KCNK2: variants seen among roughly 807,000 people sequenced by gnomAD.
The protein encoded by KCNK2 is potassium two pore domain channel subfamily K member 2, also known as potassium channel subfamily K member 2.
KCNK2 carries 21 observed loss-of-function variants against 40.5 expected under a neutral mutation model. The ratio of observed to expected loss-of-function variants is 0.52; its 90% CI spans 0.37 to 0.75. The LOEUF (loss-of-function observed/expected upper bound fraction) is 0.75, where lower values mean the gene tolerates loss of function less well. KCNK2 is among the 30% of genes least tolerant of loss of function. The pLI is 0.00. For synonymous variants in KCNK2, 191 were observed against 202.2 expected (o/e 0.94, Z 0.47); for missense variants, 399 against 531.6 (o/e 0.75, Z 2.45).
chr1:215,070,720 G>A (rs564269490), intron 1 of KCNK2, among the ~76,000 whole-genome samples: 111 of 152,252 alleles, frequency 7.3e-4, no homozygotes, highest in South Asian at 5.6e-3. Flanking sequence ...TTCAAGATGA[G>A]ATTTGAGTAG....
chr1:215,161,420 CT>C (rs372740342), intron 3 of KCNK2, among the ~76,000 whole-genome samples: 1,515 of 145,660 alleles, frequency 0.01, 23 homozygotes, highest in South Asian at 0.063. Context: ...CCCTCTCTGT[CT>C]TTTTTTTTTT....
intron 1 of KCNK2, among the ~76,000 whole-genome samples, chr1:215,015,182 CTT>C (rs1315309707): frequency 6.6e-6 from 1 of 152,116 alleles, no homozygotes; most frequent in Non-Finnish European, 1.5e-5. Context: ...CAATTTCTCT[CTT>C]ATCTCTAGTG....
intron 1 of KCNK2, among the ~76,000 whole-genome samples, chr1:215,068,378 C>T (rs1274155209): frequency 6.6e-6 from 1 of 152,078 alleles, no homozygotes; most frequent in Non-Finnish European, 1.5e-5. Context: ...CAGAGGACAT[C>T]TATTACTTCA....
chr1:215,138,121 T>A (rs1375939999), intron 3 of KCNK2, among the ~76,000 whole-genome samples: 5 of 152,194 alleles, frequency 3.3e-5, no homozygotes, highest in Non-Finnish European at 5.9e-5. Flanking sequence ...ATGTAGGTGC[T>A]AGCAGACAAA....
chr1:215,230,216 C>T lies in KCNK2; in HGVS notation c.964-4612C>T, dbSNP rs549540845. Among the ~76,000 whole-genome samples, 170 of 149,606 alleles carry T rather than the reference C, an allele frequency of 1.1e-3. 1 individual carries two copies. Among genetic ancestry groups the T allele is most frequent in the African/African-American group, 3.9e-3 (160 of 40,874 alleles). On this transcript the variant is annotated intron_variant, in intron 6 of 6. Coordinates refer to ENST00000444842, the MANE Select transcript of KCNK2 (RefSeq NM_001017425.3). ...ACCATTGTGCCAACATCATAGAGTGCGCTTACACAAACCTACATGGTATAG... is the reference window on the plus strand; with the variant it reads ...ACCATTGTGCCAACATCATAGAGTGTGCTTACACAAACCTACATGGTATAG...
At chr1:215,052,582 A>C (rs994041823) in intron 1 of KCNK2, among the ~76,000 whole-genome samples, 1 of 152,178 alleles carries the variant, frequency 6.6e-6, no homozygotes, top group Non-Finnish European at 1.5e-5. Flanking sequence ...TTTGGTGATA[A>C]CTGTGGAGGT....
chr1:215,095,137 A>G (rs1257710508), intron 2 of KCNK2, among the ~76,000 whole-genome samples: 2 of 152,108 alleles, frequency 1.3e-5, no homozygotes, highest in Non-Finnish European at 2.9e-5. Context: ...ATCATTTTAC[A>G]CTTTAAAGTA....
chr1:215,177,742 T>TATATATA (rs1558126644), intron 5 of KCNK2, among the ~76,000 whole-genome samples: 3 of 30,994 alleles, frequency 9.7e-5, no homozygotes, highest in African/African-American at 2.5e-4. Flanking sequence ...ATATATATAT[T>TATATATA]TTTTTTTTTT....
At chr1:215,209,112 C>G (rs1399358836) in intron 6 of KCNK2, among the ~76,000 whole-genome samples, 2 of 150,226 alleles carry the variant, frequency 1.3e-5, no homozygotes, top group Non-Finnish European at 2.9e-5. Flanking sequence ...CAGGTGTGAG[C>G]CACTGCGCCT....
chr1:215,102,604 A>G (rs1455096610), intron 2 of KCNK2, among the ~76,000 whole-genome samples: 2 of 152,006 alleles, frequency 1.3e-5, no homozygotes, highest in Non-Finnish European at 2.9e-5. Flanking sequence ...GTGTACAGTA[A>G]TGTCCTAGGC....
At chr1:215,213,670 T>G (rs867857783) in intron 6 of KCNK2, among the ~76,000 whole-genome samples, 26 of 152,218 alleles carry the variant, frequency 1.7e-4, no homozygotes, top group African/African-American at 6.3e-4. Flanking sequence ...AATTACTAAT[T>G]AATTACTATT....
chr1:215,047,002 A>G (rs2123331), intron 1 of KCNK2, among the ~76,000 whole-genome samples: 46,552 of 152,052 alleles, frequency 0.31, 8,410 homozygotes, highest in South Asian at 0.66. Flanking sequence ...TGATCAAGTC[A>G]AAGTTAATTT....
intron 2 of KCNK2, among the ~76,000 whole-genome samples, chr1:215,094,413 A>G (rs1659888521): frequency 6.6e-6 from 1 of 152,076 alleles, no homozygotes; most frequent in Non-Finnish European, 1.5e-5. Flanking sequence ...TACCAGATTA[A>G]CTAGATGCTA....
intron 6 of KCNK2, among the ~76,000 whole-genome samples, chr1:215,230,527 ATATATG>A (rs60292957): frequency 0.13 from 10,799 of 85,306 alleles, 1,264 homozygotes; most frequent in East Asian, 0.51. Context: ...ATATATATAT[ATATATG>A]TATATATATA....
chr1:215,156,081 G>A (rs184410786), intron 3 of KCNK2, among the ~76,000 whole-genome samples: 1,520 of 150,928 alleles, frequency 0.01, 19 homozygotes, highest in Middle Eastern at 0.027. Context: ...GTGTGTGTGT[G>A]TATATATATA....
At chr1:215,013,031 A>G (rs1449896716) in intron 1 of KCNK2, among the ~76,000 whole-genome samples, 1 of 152,018 alleles carries the variant, frequency 6.6e-6, no homozygotes, top group East Asian at 1.9e-4. Context: ...TAGGTCTATG[A>G]TTCACTTCAA....
upstream of KCNK2, among the ~76,000 whole-genome samples, chr1:215,080,453 C>T (rs1051189804): frequency 4.6e-5 from 7 of 152,166 alleles, no homozygotes; most frequent in African/African-American, 1.7e-4. Flanking sequence ...GTGAATTCAT[C>T]TCATTTCTCA....
At chr1:215,023,440 G>A (rs367645325) in intron 1 of KCNK2, among the ~76,000 whole-genome samples, 7 of 152,230 alleles carry the variant, frequency 4.6e-5, no homozygotes, top group African/African-American at 1.7e-4. Context: ...CCATAAGTAT[G>A]TCACTTCAAC....
chr1:215,108,330 C>T (rs1424999825), intron 2 of KCNK2, among the ~76,000 whole-genome samples: 1 of 152,102 alleles, frequency 6.6e-6, no homozygotes, highest in Non-Finnish European at 1.5e-5. Flanking sequence ...AATACCATAT[C>T]ATTTTATATA....
Sources: gnomAD v4.1 joint callset for allele counts (sites outside exome capture counted in the v4.1 genomes callset) on GRCh38, gnomAD v4.1.1 for gene constraint, MANE v1.5 for transcripts, NCBI Gene and HGNC (gene_info 2026-07-23, HGNC 2026-07-21) for gene names.